The following TMPRSS9 variants were observed in gnomAD, a reference collection of about 807,000 sequenced individuals.
TMPRSS9 encodes transmembrane protease serine 9.
Under a neutral mutation model 111.4 loss-of-function variants are expected in TMPRSS9, and 113 were observed. The observed-to-expected ratio is 1.01, with a 90% CI of 0.87 to 1.19. The LOEUF is 1.19. Among genes scored for constraint, TMPRSS9 ranks in the 50% most tolerant of loss-of-function variants. The probability of loss-of-function intolerance (pLI) is 0.00; values close to 1 mark genes in which losing one functional copy is unlikely to be tolerated. For synonymous variants in TMPRSS9, 805 were observed against 659.1 expected (o/e 1.22, Z -3.39); for missense variants, 1,803 against 1,513.1 (o/e 1.19, Z -3.18).
chr19:2,371,904 C>A (rs1009652466), intron 1 of TMPRSS9, among the ~76,000 whole-genome samples: 2 of 152,128 alleles, frequency 1.3e-5, no homozygotes, highest in African/African-American at 2.4e-5. Context: ...GGGCTGGAGG[C>A]TGGTCGAGCC....
intron 1 of TMPRSS9, among the ~76,000 whole-genome samples, chr19:2,363,807 T>TGCGC (rs1269194641): frequency 1.9e-5 from 2 of 105,980 alleles, no homozygotes; most frequent in Admixed American, 1.1e-4. Flanking sequence ...TGTGTGTGCG[T>TGCGC]GCGCGCGTGT....
intron 1 of TMPRSS9, among the ~76,000 whole-genome samples, chr19:2,379,572 C>T (rs972021709): frequency 3.3e-5 from 5 of 151,932 alleles, no homozygotes; most frequent in Non-Finnish European, 7.4e-5. Flanking sequence ...TCTCCTACCC[C>T]ACCCCACACT....
chr19:2,424,275 C>T lies in TMPRSS9; in HGVS notation c.2717+18C>T. 4 of 1,345,518 alleles carry T rather than the reference C, an allele frequency of 3.0e-6. No homozygotes were observed. Among genetic ancestry groups the T allele is most frequent in the East Asian group, 2.8e-5 (1 of 35,618 alleles). The allele number at this position is 1,345,518 out of a possible 1,614,324, so 83.3% of individuals were successfully genotyped here. ...TTCGACGTGTGAGTTCCAAACGCTC[C>T]AAATGCCCCTACATGTCTCTGTAGC... On this transcript the variant is annotated intron_variant, in intron 15 of 17. Transcript: ENST00000648592.
At position 2,419,755 on chromosome 19, in the gene TMPRSS9, G is replaced by C. The variant is rs1971421728; in HGVS notation, c.2154+1617G>C. Among the ~76,000 whole-genome samples, 3 of 152,182 alleles carry C rather than the reference G, an allele frequency of 2.0e-5. No individual in the cohort carries two copies. In the South Asian group the frequency reaches 6.2e-4, roughly 32 times the overall value. On this transcript the variant is annotated intron_variant, in intron 13 of 17. Coordinates refer to ENST00000648592, the Ensembl canonical transcript of TMPRSS9. ...TGGTCTCGAACTCCTGACCTCAGGTGATCCGCCCGCCTCAGCCTCCCAAAC... is the reference window on the plus strand; with the variant it reads ...TGGTCTCGAACTCCTGACCTCAGGTCATCCGCCCGCCTCAGCCTCCCAAAC...
intron 9 of TMPRSS9, 95 bp from the exon 11 acceptor site, chr19:2,413,605 C>T: frequency 7.3e-7 from 1 of 1,378,876 alleles, no homozygotes; most frequent in South Asian, 1.3e-5. Flanking sequence ...GAGGTCCTGG[C>T]TGTCCCAGCT....
rs575760141 is a variant in TMPRSS9, at chr19:2,420,441, C to CAAAAA, written c.2155-1398_2155-1394dup. 5.4e-4 allele frequency among the ~76,000 whole-genome samples: 57 copies of CAAAAA among 106,100 alleles called. 1 individual carries two copies. In the South Asian group the frequency reaches 8.3e-3, roughly 15 times the overall value. The allele number at this position is 106,100 out of a possible 152,430, so 69.6% of individuals were successfully genotyped here. Reference sequence around the variant, plus strand: ...CGGGCAACAGAGTGAGACTCCACCTCAAAAAAAAAAAAAAAAAAATGGCAT... The same window carrying CAAAAA: ...CGGGCAACAGAGTGAGACTCCACCTCAAAAAAAAAAAAAAAAAAAAAAAATGGCAT... On this transcript the variant is annotated intron_variant, in intron 13 of 17. Transcript: ENST00000648592.
chr19:2,415,038 C>T (rs751389972), intron 10 of TMPRSS9, among the ~76,000 whole-genome samples: 33 of 147,518 alleles, frequency 2.2e-4, no homozygotes, highest in East Asian at 4.1e-4. Flanking sequence ...CTCCACCTCC[C>T]GGTTCAAGTG....
rs1156370368 is a variant in TMPRSS9 at position 2,425,214 on chromosome 19, C to A, written c.2930C>A (p.Pro977His). 2.0e-6 allele frequency: 3 copies of A among 1,485,388 alleles called. No individual in the cohort carries two copies. Among genetic ancestry groups the A allele is most frequent in the Non-Finnish European group, 2.7e-6 (3 of 1,123,014 alleles). The allele number at this position is 1,485,388 out of a possible 1,614,324, so 92.0% of individuals were successfully genotyped here. ...TGCCTGCCCGAGCCCGCGCCGCGACCCCCGGACGGCACGCGCTGCGTCATC... is the reference window on the plus strand; with the variant it reads ...TGCCTGCCCGAGCCCGCGCCGCGACACCCGGACGGCACGCGCTGCGTCATC... The change falls in exon 16 of 18, where the codon CCC becomes CAC. Residue 977 changes from proline (P) to histidine (H), a missense_variant. Coordinates refer to ENST00000648592, the Ensembl canonical transcript of TMPRSS9.
At chr19:2,379,760 T>A (rs1970371966) in intron 1 of TMPRSS9, among the ~76,000 whole-genome samples, 1 of 136,376 alleles carries the variant, frequency 7.3e-6, no homozygotes, top group African/African-American at 3.6e-5. Flanking sequence ...CATTCTCTCT[T>A]TTCTCTCTTT....
At chr19:2,408,693 A>C in intron 8 of TMPRSS9, 63 bp downstream of exon 9, 1 of 1,562,758 alleles carries the variant, frequency 6.4e-7, no homozygotes. Context: ...AACGCAGAAA[A>C]GGGCCAGGTG....
At chr19:2,420,847 T>C (rs1568191861) in intron 13 of TMPRSS9, among the ~76,000 whole-genome samples, 1 of 152,200 alleles carries the variant, frequency 6.6e-6, no homozygotes, top group Non-Finnish European at 1.5e-5. Flanking sequence ...TTATAGTATC[T>C]ATTATTATAC....
chr19:2,387,909 G>A (rs72971404), upstream of TMPRSS9, among the ~76,000 whole-genome samples: 9,731 of 152,222 alleles, frequency 0.064, 442 homozygotes, highest in African/African-American at 0.13. Context: ...CAGAGGGGCA[G>A]GGGAGGGAGG....
chr19:2,388,310 C>T (rs558823210), upstream of TMPRSS9, among the ~76,000 whole-genome samples: 53 of 152,094 alleles, frequency 3.5e-4, 1 homozygote, highest in African/African-American at 1.2e-3. Context: ...CGCTTGAGCC[C>T]AGGAGGTGGA....
At chr19:2,409,926 G>A (rs1265298606) in intron 8 of TMPRSS9, among the ~76,000 whole-genome samples, 3 of 152,012 alleles carry the variant, frequency 2.0e-5, no homozygotes, top group Non-Finnish European at 4.4e-5. Flanking sequence ...GCTGACCTGA[G>A]GCCAACTTGG....
At chr19:2,371,860 TGGGCCAGAGGATGCC>T (rs1041480367) in intron 1 of TMPRSS9, among the ~76,000 whole-genome samples, 3 of 152,146 alleles carry the variant, frequency 2.0e-5, no homozygotes, top group African/African-American at 7.2e-5. Context: ...GCCTCCCGCC[TGGGCCAGAGGATGCC>T]GAGAGAGTGG....
chr19:2,421,756 G>A (rs1237736627), intron 13 of TMPRSS9, 98 bp from the exon 15 acceptor site: 12 of 1,381,220 alleles, frequency 8.7e-6, no homozygotes, highest in African/African-American at 1.5e-5. Flanking sequence ...CCCCGCCCTC[G>A]ATGGCTCCCA....
chr19:2,395,095 A>G lies in TMPRSS9; in HGVS notation c.143-1444A>G, dbSNP rs941724492. 4.6e-5 allele frequency among the ~76,000 whole-genome samples: 7 copies of G among 152,150 alleles called. 1 individual carries two copies. The highest frequency in any genetic ancestry group is 1.0e-4 in the Non-Finnish European group (7 of 68,020). On this transcript the variant is annotated intron_variant, in intron 1 of 17. Coordinates refer to ENST00000648592, the Ensembl canonical transcript of TMPRSS9. The stretch of plus-strand genomic sequence containing the variant: ...CAGGAGTTCCCGACCAGCCTGGCCA[A>G]TGTGGCGAAACCCCATCTCTGCTAA...
intron 1 of TMPRSS9, among the ~76,000 whole-genome samples, chr19:2,383,215 A>G (rs12984515): frequency 0.39 from 59,073 of 151,654 alleles, 11,948 homozygotes; most frequent in East Asian, 0.6. Context: ...TTAGCCAGGC[A>G]TGGTGGCAGG....
chr19:2,372,625 G>T (rs140228308), intron 1 of TMPRSS9, among the ~76,000 whole-genome samples: 1 of 152,104 alleles, frequency 6.6e-6, no homozygotes, highest in Non-Finnish European at 1.5e-5. Context: ...TAAAACGCTC[G>T]CTTGTCTGAG....
Sources: allele counts gnomAD v4.1 joint callset (sites outside exome capture counted in the v4.1 genomes callset), GRCh38; gene constraint gnomAD v4.1.1; transcripts MANE v1.5; gene names NCBI Gene and HGNC (gene_info 2026-07-23, HGNC 2026-07-21).